Variants in ANO5 observed in about 807,000 individuals in gnomAD.
ANO5 encodes anoctamin 5.
ANO5 carries 109 observed loss-of-function variants against 121.0 expected under a neutral mutation model. That is an observed-to-expected ratio of 0.90 (90% CI 0.77 to 1.06). ANO5 has a LOEUF of 1.06. Among genes scored for constraint, ANO5 ranks in the 50% least tolerant of loss-of-function variants. ANO5 has a pLI of 0.00. For missense variants in ANO5, 1,064 were observed against 1,078.5 expected (o/e 0.99, Z 0.19); for synonymous variants, 406 against 359.9 (o/e 1.13, Z -1.45).
At chr11:22,274,123 C>T (rs1854739650) in intron 19 of ANO5, among the ~76,000 whole-genome samples, 1 of 151,714 alleles carries the variant, frequency 6.6e-6, no homozygotes, top group Non-Finnish European at 1.5e-5. Flanking sequence ...TTTACAAACA[C>T]ATGATATTCT....
chr11:22,224,319 A>G (rs1270894512), intron 5 of ANO5, among the ~76,000 whole-genome samples: 1 of 152,064 alleles, frequency 6.6e-6, no homozygotes, highest in Non-Finnish European at 1.5e-5. Context: ...CCAACTGTGC[A>G]TAACTAAATG....
At chr11:22,252,470 C>G (rs796692999) in intron 12 of ANO5, among the ~76,000 whole-genome samples, 7 of 152,274 alleles carry the variant, frequency 4.6e-5, no homozygotes, top group African/African-American at 1.7e-4. Context: ...TTTGCAGTTA[C>G]TTGATCACAA....
Position 22,239,618 on chromosome 11 carries a change from ACACACTT to A in ANO5, c.816_822del (p.Leu273ArgfsTer15). ...CCTCCCAATCCTACCAATGAAAGAT[ACACACTT>A]CACCAGAATTGGGCTCGATTTTCCT... is the stretch of plus-strand genomic sequence containing the variant. On this transcript the variant is annotated frameshift_variant, in exon 9 of 22. Coordinates refer to ENST00000324559, the MANE Select transcript of ANO5 (RefSeq NM_213599.3). LOFTEE classifies it high-confidence loss of function. 6.2e-7 allele frequency: 1 copy of A among 1,613,008 alleles called. No homozygotes were observed. The highest frequency in any genetic ancestry group is 8.5e-7 in the Non-Finnish European group (1 of 1,179,212).
chr11:22,217,889 C>A (rs1276835853), intron 3 of ANO5, among the ~76,000 whole-genome samples: 1 of 151,640 alleles, frequency 6.6e-6, no homozygotes, highest in Non-Finnish European at 1.5e-5. Context: ...CACATATTTC[C>A]TTATGTAACA....
Position 22,267,525 on chromosome 11 carries a change from A to ATATATATAT in ANO5, c.1899-2787_1899-2786insTATATATAT, listed in dbSNP as rs1239852095. ...ATCTACAATTATATATATATATATA[A>ATATATATAT]AATCTATCTACAATTATACCAAGTG... On this transcript the variant is annotated intron_variant, in intron 17 of 21. Coordinates refer to ENST00000324559, the MANE Select transcript of ANO5 (RefSeq NM_213599.3). Among the ~76,000 whole-genome samples the ATATATATAT allele has an allele frequency of 3.3e-3, 464 of 140,010 alleles. 12 individuals carry two copies. Among genetic ancestry groups the ATATATATAT allele is most frequent in the African/African-American group, 0.014 (443 of 31,852 alleles). 91.9% of individuals were successfully genotyped at this position (140,010 alleles called of 152,430 possible). A position where few individuals can be genotyped will look rare whatever the true frequency, so the allele number is the denominator to read the frequency against.
chr11:22,222,174 C>T (rs1852673392), intron 5 of ANO5, among the ~76,000 whole-genome samples: 1 of 151,988 alleles, frequency 6.6e-6, no homozygotes, highest in African/African-American at 2.4e-5. Flanking sequence ...TGTTCTCCTT[C>T]ACTTGTCCCT....
In ANO5 at chr11:22,229,262, T is replaced by C. The variant is rs1018482963; in HGVS notation, c.648+1676T>C. On this transcript the variant is annotated intron_variant, in intron 7 of 21. Transcript: ENST00000324559. ...ACAAGATTCTTTTCCTTGAGATTAC[T>C]TACTTTATTTTCCTGAGGAATTAGA... is the stretch of plus-strand genomic sequence containing the variant. Among the ~76,000 whole-genome samples, 7 of 152,026 alleles carry C rather than the reference T, an allele frequency of 4.6e-5. No individual in the cohort carries two copies. In the East Asian group the frequency reaches 7.7e-4, roughly 17 times the overall value.
Position 22,280,379 on chromosome 11 carries a change from C to T in ANO5, c.*614C>T, listed in dbSNP as rs1564957711. 6.6e-6 allele frequency: 1 copy of T among 151,884 alleles called. No homozygotes were observed. The highest frequency in any genetic ancestry group is 2.4e-5 in the African/African-American group (1 of 41,390). 9.4% of individuals were successfully genotyped at this position (151,884 alleles called of 1,614,324 possible). A position where few individuals can be genotyped will look rare whatever the true frequency, so the allele number is the denominator to read the frequency against. ...GTTCTTCCTGGTAAAGGCAGAATTC[C>T]TTTTCTCGAGACTGAAATTTTGGGT... On this transcript the variant is annotated 3_prime_UTR_variant, in exon 22 of 22. Transcript: ENST00000324559.
In ANO5 at chr11:22,232,553, T is replaced by C. The variant is rs528162403; in HGVS notation, c.649-3610T>C. The stretch of plus-strand genomic sequence containing the variant: ...CAATTTTTTATGTTATGAATAATGC[T>C]CTTAATATTCAACTCACACCAGGAT... On this transcript the variant is annotated intron_variant, in intron 7 of 21. Coordinates refer to ENST00000324559, the MANE Select transcript of ANO5 (RefSeq NM_213599.3). 3.3e-5 allele frequency among the ~76,000 whole-genome samples: 5 copies of C among 152,126 alleles called. No individual in the cohort carries two copies. In the South Asian group the frequency reaches 6.2e-4, roughly 19 times the overall value.
chr11:22,252,511 G>T (rs1330470799), intron 12 of ANO5, among the ~76,000 whole-genome samples: 1 of 152,072 alleles, frequency 6.6e-6, no homozygotes, highest in African/African-American at 2.4e-5. Flanking sequence ...AATATTTACT[G>T]ACCATTGGCT....
chr11:22,269,495 GAAA>G, intron 17 of ANO5, among the ~76,000 whole-genome samples: 1 of 5,866 alleles, frequency 1.7e-4, no homozygotes, highest in African/African-American at 1.4e-3. Context: ...AAAGAAAAAA[GAAA>G]AGGAAGGAAA....
In ANO5 at chr11:22,227,284, G is replaced by T. The variant is rs1308198029; in HGVS notation, c.364-18G>T. 6.2e-7 allele frequency: 1 copy of T among 1,602,718 alleles called. No individual in the cohort carries two copies. Among genetic ancestry groups the T allele is most frequent in the East Asian group, 2.2e-5 (1 of 44,462 alleles). On this transcript the variant is annotated intron_variant, in intron 6 of 21. Transcript: ENST00000324559. The stretch of plus-strand genomic sequence containing the variant: ...TGATCAGTAAGCTTTCTGCTGTTTT[G>T]CCTTTTTTTTAATGCAGGACTCGGA...
At chr11:22,267,613 ATCTC>A (rs1161430168) in intron 17 of ANO5, among the ~76,000 whole-genome samples, 23 of 108,368 alleles carry the variant, frequency 2.1e-4, no homozygotes, top group East Asian at 7.0e-4. Flanking sequence ...CAGTACAACA[ATCTC>A]TCTCTTTTTT....
At chr11:22,201,960 G>A (rs1425740724) in intron 1 of ANO5, among the ~76,000 whole-genome samples, 1 of 152,088 alleles carries the variant, frequency 6.6e-6, no homozygotes, top group Non-Finnish European at 1.5e-5. Context: ...CCCTCAAAGA[G>A]GGAGAATGGA....
rs1441987583 is a variant in ANO5 at position 22,236,635 on chromosome 11, G to A, written c.762+359G>A. On this transcript the variant is annotated intron_variant, in intron 8 of 21. Coordinates refer to ENST00000324559, the MANE Select transcript of ANO5 (RefSeq NM_213599.3). The stretch of plus-strand genomic sequence containing the variant: ...TTCTCATTTATAAAGTTTTGAAGCT[G>A]TAAAGAATTTAAATTACCTGCATTC... Among the ~76,000 whole-genome samples, 9 of 152,254 alleles carry A rather than the reference G, an allele frequency of 5.9e-5. No individual in the cohort carries two copies. The East Asian group carries it at 9.7e-4, about 16-fold the overall frequency.
intron 6 of ANO5, among the ~76,000 whole-genome samples, 195 bp downstream of exon 6, chr11:22,226,247 T>C (rs1852828713): frequency 6.6e-6 from 1 of 152,160 alleles, no homozygotes; most frequent in East Asian, 1.9e-4. Context: ...CAGTAATAAA[T>C]GGAACACTTT....
At chr11:22,226,183 C>A in intron 6 of ANO5, 131 bp downstream of exon 6, 1 of 726,926 alleles carries the variant, frequency 1.4e-6, no homozygotes, top group South Asian at 1.6e-5. Flanking sequence ...ATATGTGCAC[C>A]GGGATGATAG....
chr11:22,279,448 G>A, intron 21 of ANO5, 96 bp from the exon 22 acceptor site: 1 of 1,024,492 alleles, frequency 9.8e-7, no homozygotes, highest in South Asian at 1.3e-5. Context: ...CATATGTTGA[G>A]CAGTTTCTTA....
Position 22,203,816 on chromosome 11 carries a change from A to G in ANO5, c.53A>G (p.Asn18Ser), listed in dbSNP as rs1010958758. The G allele has an allele frequency of 5.5e-5, 81 of 1,473,542 alleles. No homozygotes were observed. Among genetic ancestry groups the G allele is most frequent in the Non-Finnish European group, 7.4e-5 (78 of 1,058,280 alleles). The allele number at this position is 1,473,542 out of a possible 1,614,324, so 91.3% of individuals were successfully genotyped here. A position where few individuals can be genotyped will look rare whatever the true frequency, so the allele number is the denominator to read the frequency against. The change falls in exon 2 of 22, where the codon AAT (asparagine) becomes AGT (serine). Residue 18 changes from asparagine (N) to serine (S), a missense_variant. Transcript: ENST00000324559. ...EVLAEEGEKV[N>S]KHIDYSFQMS... ...TTATTTAATTTAGGGGAAAAAGTCA[A>G]TAAGCATATAGACTACTCTTTCCAA...
Sources: allele counts gnomAD v4.1 joint callset (sites outside exome capture counted in the v4.1 genomes callset), GRCh38; gene constraint gnomAD v4.1.1; transcripts MANE v1.5; gene names NCBI Gene and HGNC (gene_info 2026-07-23, HGNC 2026-07-21).